WDR7: variants seen among roughly 807,000 people sequenced by gnomAD.
WDR7 encodes WD repeat-containing protein 7.
A neutral mutation model predicts 169.4 loss-of-function variants in WDR7; 46 were observed. That is an observed-to-expected ratio of 0.27 (90% CI 0.21 to 0.35). WDR7 has a LOEUF of 0.35. Ranked by LOEUF, WDR7 falls within the 10% of genes least tolerant of loss-of-function variation. The pLI is 1.00. For synonymous variants in WDR7, 612 were observed against 666.8 expected, an observed-to-expected ratio of 0.92 and a Z score of 1.27; for missense variants, 1,534 against 1,859.3, an observed-to-expected ratio of 0.83 and a Z score of 3.22.
intron 20 of WDR7, among the ~76,000 whole-genome samples, chr18:56,826,567 T>A (rs2045207656): frequency 6.6e-6 from 1 of 152,234 alleles, no homozygotes; most frequent in Non-Finnish European, 1.5e-5. Context: ...TAATATTTAA[T>A]ATTTGAAGTG....
chr18:56,873,168 T>G (rs953543227), intron 20 of WDR7, among the ~76,000 whole-genome samples: 1 of 152,214 alleles, frequency 6.6e-6, no homozygotes, highest in African/African-American at 2.4e-5. Context: ...TCTTTTTAGA[T>G]TTGAATACTG....
At chr18:56,766,273 G>A (rs562058454) in intron 16 of WDR7, among the ~76,000 whole-genome samples, 1 of 151,972 alleles carries the variant, frequency 6.6e-6, no homozygotes, top group South Asian at 2.1e-4. Context: ...TCTTGTGGTT[G>A]GGGTTCATTG....
At chr18:56,702,766 C>G (rs757456789) in intron 12 of WDR7, among the ~76,000 whole-genome samples, 10 of 152,146 alleles carry the variant, frequency 6.6e-5, no homozygotes, top group Non-Finnish European at 1.0e-4. Context: ...AATTCAGACC[C>G]TGGTTTACTT....
In WDR7 at chr18:56,694,713, A is replaced by G. The variant is rs1368862572; in HGVS notation, c.1061A>G (p.Asn354Ser). 3.1e-6 allele frequency: 5 copies of G among 1,613,442 alleles called. No individual in the cohort carries two copies. Among genetic ancestry groups the G allele is most frequent in the Non-Finnish European group, 3.4e-6 (4 of 1,179,714 alleles). The change falls in exon 10 of 28, where the codon AAT becomes AGT. Residue 354 changes from asparagine (N) to serine (S), a missense_variant. Coordinates refer to ENST00000254442, the MANE Select transcript of WDR7 (RefSeq NM_015285.3). ...CAGGGTGATTCTTCTGGAAGGTTGA[A>G]TATTTGGAACATATCAGACACAGCT... The part of the protein sequence containing the change: ...LIQGDSSGRL[N>S]IWNISDTADK...
At chr18:56,936,251 A>G (rs1408399980) in intron 23 of WDR7, 6 of 189,522 alleles carry the variant, frequency 3.2e-5, no homozygotes, top group East Asian at 1.3e-4. Flanking sequence ...CTTGTCATCA[A>G]AACTAAACTT....
At chr18:56,974,703 A>AAG (rs1450883340) in intron 26 of WDR7, among the ~76,000 whole-genome samples, 1 of 152,216 alleles carries the variant, frequency 6.6e-6, no homozygotes, top group Non-Finnish European at 1.5e-5. Flanking sequence ...AAAGTCAATT[A>AAG]AGAGAGATTG....
intron 14 of WDR7, among the ~76,000 whole-genome samples, chr18:56,733,942 GT>G (rs376898540): frequency 6.6e-5 from 10 of 152,196 alleles, no homozygotes; most frequent in African/African-American, 2.4e-4. Flanking sequence ...CAATAACTAT[GT>G]GTTGAATTGG....
chr18:56,821,078 T>C (rs2045086613), intron 20 of WDR7, among the ~76,000 whole-genome samples: 1 of 152,192 alleles, frequency 6.6e-6, no homozygotes, highest in Non-Finnish European at 1.5e-5. Flanking sequence ...TTGAGTACTT[T>C]ACTGCCAGAC....
At chr18:56,832,549 T>C (rs1358816422) in intron 20 of WDR7, among the ~76,000 whole-genome samples, 2 of 152,164 alleles carry the variant, frequency 1.3e-5, no homozygotes, top group East Asian at 3.9e-4. Flanking sequence ...GACTGGGAGA[T>C]ACCTCCCAGC....
chr18:56,873,378 C>G (rs2045978852), intron 20 of WDR7: 1 of 152,178 alleles, frequency 6.6e-6, no homozygotes, highest in East Asian at 1.9e-4. Context: ...ATAAAATTTA[C>G]AAATGATTGT....
chr18:57,035,686 G>A, the WDR7 span: 1 of 152,366 alleles, frequency 6.6e-6, no homozygotes, highest in Non-Finnish European at 1.5e-5. Flanking sequence ...AGGTATCAAG[G>A]AGGATGACAA....
chr18:56,950,302 C>T (rs1423977821), intron 25 of WDR7, among the ~76,000 whole-genome samples: 2 of 152,178 alleles, frequency 1.3e-5, no homozygotes, highest in East Asian at 3.9e-4. Flanking sequence ...TTGTTTTGCT[C>T]ACTGCCAGCG....
At chr18:56,997,816 A>C (rs1180321750) in intron 26 of WDR7, among the ~76,000 whole-genome samples, 2 of 152,216 alleles carry the variant, frequency 1.3e-5, no homozygotes, top group African/African-American at 2.4e-5. Context: ...GTATATAGCA[A>C]GAGCTAAAAG....
chr18:56,940,817 G>A (rs886463563), intron 25 of WDR7, among the ~76,000 whole-genome samples: 3 of 152,150 alleles, frequency 2.0e-5, no homozygotes, highest in African/African-American at 7.2e-5. Flanking sequence ...TAACATGAAA[G>A]TGCTCAATGT....
At position 57,024,494 on chromosome 18, in the gene WDR7, T is replaced by A. The variant is rs76043750; in HGVS notation, c.4270-2510T>A. Among the ~76,000 whole-genome samples, 220 of 137,242 alleles carry A rather than the reference T, an allele frequency of 1.6e-3. 4 individuals are homozygous for A. The highest frequency in any genetic ancestry group is 2.6e-3 in the Non-Finnish European group (162 of 61,398). The allele number at this position is 137,242 out of a possible 152,430, so 90.0% of individuals were successfully genotyped here. ...ACATGGGGGTCTTTATCGTTCCACA[T>A]GTTATGTCCCTTACAGGATTTCACA... On this transcript the variant is annotated intron_variant, in intron 27 of 27. Coordinates refer to ENST00000254442, the MANE Select transcript of WDR7 (RefSeq NM_015285.3).
intron 21 of WDR7, among the ~76,000 whole-genome samples, chr18:56,919,025 G>A (rs528051728): frequency 1.6e-4 from 24 of 152,302 alleles, no homozygotes; most frequent in Non-Finnish European, 2.8e-4. Context: ...ATTTGTGTTT[G>A]TTCACTGTGT....
intron 19 of WDR7, among the ~76,000 whole-genome samples, chr18:56,794,974 T>C (rs1326837993): frequency 2.0e-5 from 3 of 152,160 alleles, no homozygotes; most frequent in Non-Finnish European, 4.4e-5. Flanking sequence ...AATTCTAACA[T>C]TCCTTCCTCA....
intron 14 of WDR7, among the ~76,000 whole-genome samples, chr18:56,751,705 A>G (rs932213351): frequency 2.0e-5 from 3 of 152,176 alleles, no homozygotes; most frequent in Non-Finnish European, 2.9e-5. Flanking sequence ...TTTTGTATCA[A>G]TATTATTTTA....
At chr18:56,714,312 AT>A (rs11432752) in intron 12 of WDR7, among the ~76,000 whole-genome samples, 7 of 150,764 alleles carry the variant, frequency 4.6e-5, no homozygotes, top group South Asian at 4.2e-4. Flanking sequence ...AGTAATATTG[AT>A]TTTTTTTTGT....
Sources: allele counts gnomAD v4.1 joint callset (sites outside exome capture counted in the v4.1 genomes callset), GRCh38; gene constraint gnomAD v4.1.1; transcripts MANE v1.5; gene names NCBI Gene and HGNC (gene_info 2026-07-23, HGNC 2026-07-21).